Variants in ZNF705B observed in about 807,000 individuals in gnomAD.
The protein encoded by ZNF705B is zinc finger protein 705B.
In ZNF705B, 1 loss-of-function variant was observed where a neutral mutation model predicts 10.5. The ratio of observed to expected loss-of-function variants is 0.10; its 90% CI spans 0.03 to 0.45. The LOEUF (loss-of-function observed/expected upper bound fraction) is 0.45. Among genes scored for constraint, ZNF705B ranks in the 20% least tolerant of loss-of-function variants. ZNF705B has a pLI of 0.97. For missense variants in ZNF705B, 14 were observed against 84.0 expected (o/e 0.17, Z 3.26); for synonymous variants, 4 against 25.4 (o/e 0.16, Z 2.53).
chr8:7,932,951 G>A, intron 2 of ZNF705B, among the ~76,000 whole-genome samples: 1 of 110,980 alleles, frequency 9.0e-6, no homozygotes, highest in Non-Finnish European at 2.2e-5. Flanking sequence ...AGTGGCTGTT[G>A]TAGGCAGAAT....
At chr8:7,936,604 G>A (rs1402549017) in intron 2 of ZNF705B, among the ~76,000 whole-genome samples, 1 of 119,840 alleles carries the variant, frequency 8.3e-6, no homozygotes, top group African/African-American at 2.6e-5. Context: ...TTTATTCTAA[G>A]CAAATTAGCT....
chr8:7,931,677 C>A (rs1215262684), intron 2 of ZNF705B, among the ~76,000 whole-genome samples: 1 of 127,380 alleles, frequency 7.9e-6, no homozygotes, highest in African/African-American at 2.5e-5. Flanking sequence ...CCTGAGGATG[C>A]CTGCAGGTGT....
intron 2 of ZNF705B, among the ~76,000 whole-genome samples, chr8:7,942,782 C>T (rs1260033759): frequency 3.6e-5 from 1 of 28,078 alleles, no homozygotes; most frequent in African/African-American, 6.6e-5. Context: ...GGAGCGTTTC[C>T]GGCTTGCACA....
intron 2 of ZNF705B, among the ~76,000 whole-genome samples, chr8:7,935,537 A>G (rs1158812099): frequency 3.4e-5 from 4 of 119,188 alleles, no homozygotes; most frequent in Non-Finnish European, 8.0e-5. Flanking sequence ...GGAACACAAA[A>G]GCCAATTCTA....
At chr8:7,928,028 G>C (rs1278277036) in intron 1 of ZNF705B, among the ~76,000 whole-genome samples, 1 of 129,962 alleles carries the variant, frequency 7.7e-6, no homozygotes, top group Admixed American at 8.3e-5. Context: ...ATATAAACAG[G>C]GTGGCTTATA....
At chr8:7,931,478 C>T (rs554469423) in intron 2 of ZNF705B, among the ~76,000 whole-genome samples, 1 of 122,170 alleles carries the variant, frequency 8.2e-6, no homozygotes, top group African/African-American at 2.5e-5. Context: ...TGCACAGGCA[C>T]CACCAGGCTG....
intron 2 of ZNF705B, among the ~76,000 whole-genome samples, chr8:7,935,372 A>G (rs1318455256): frequency 1.4e-5 from 2 of 147,572 alleles, no homozygotes; most frequent in Non-Finnish European, 3.0e-5. Context: ...CTAAGATATC[A>G]CTGCTCTGGG....
At chr8:7,932,348 C>T (rs1819873153) in intron 2 of ZNF705B, among the ~76,000 whole-genome samples, 1 of 121,206 alleles carries the variant, frequency 8.3e-6, no homozygotes, top group East Asian at 2.3e-4. Context: ...TTCTAGTGCC[C>T]TCTTTCGTGC....
chr8:7,931,796 G>T (rs1395501085), intron 2 of ZNF705B, among the ~76,000 whole-genome samples: 1 of 131,080 alleles, frequency 7.6e-6, no homozygotes, highest in Non-Finnish European at 1.8e-5. Context: ...TGTTCTGGGG[G>T]CAGCCTCCCT....
intron 3 of ZNF705B, among the ~76,000 whole-genome samples, chr8:7,948,341 C>G (rs1820254936): frequency 7.8e-5 from 1 of 12,892 alleles, no homozygotes; most frequent in South Asian, 5.1e-3. Context: ...AAGTTGAGAA[C>G]AGGAGGCTTC....
At chr8:7,936,535 G>A (rs1215133552) in intron 2 of ZNF705B, among the ~76,000 whole-genome samples, 1 of 119,740 alleles carries the variant, frequency 8.4e-6, no homozygotes, top group African/African-American at 2.6e-5. Flanking sequence ...GGAATACTAT[G>A]CATCCATAAA....
intron 1 of ZNF705B, among the ~76,000 whole-genome samples, chr8:7,927,468 G>C (rs866165002): frequency 8.3e-6 from 1 of 120,740 alleles, no homozygotes; most frequent in African/African-American, 2.5e-5. Flanking sequence ...GTCTTTTTTT[G>C]AGAAATGTCT....
At chr8:7,930,008 A>C (rs1819797929) in intron 1 of ZNF705B, among the ~76,000 whole-genome samples, 1 of 101,058 alleles carries the variant, frequency 9.9e-6, no homozygotes, top group African/African-American at 2.8e-5. Flanking sequence ...CTTATTTTAG[A>C]TACAGTAGGT....
chr8:7,927,040 G>T (rs1165972766), intron 1 of ZNF705B, among the ~76,000 whole-genome samples: 4 of 119,718 alleles, frequency 3.3e-5, no homozygotes, highest in Admixed American at 9.6e-5. Context: ...CAAGACTCGT[G>T]GTACGTGATA....
In ZNF705B at chr8:7,928,544, C is replaced by G. The variant is rs1819759373; in HGVS notation, c.-221-1743C>G. 2.5e-5 allele frequency among the ~76,000 whole-genome samples: 3 copies of G among 117,996 alleles called. 1 individual carries two copies. The highest frequency in any genetic ancestry group is 4.8e-4 in the East Asian group (2 of 4,142). The allele number at this position is 117,996 out of a possible 152,430, so 77.4% of individuals were successfully genotyped here. ...GAGATGTAGAAACAATATAAAGCAA[C>G]ACAGATGTGGAGGGGAAAGAGAGAA... is the stretch of plus-strand genomic sequence containing the variant. On this transcript the variant is annotated intron_variant, in intron 1 of 6. Coordinates refer to ENST00000400120, the MANE Select transcript of ZNF705B (RefSeq NM_001193630.1).
At chr8:7,929,762 A>G (rs1819790404) in intron 1 of ZNF705B, among the ~76,000 whole-genome samples, 1 of 112,274 alleles carries the variant, frequency 8.9e-6, no homozygotes, top group Admixed American at 1.1e-4. Flanking sequence ...CTTGAGAAGA[A>G]GCATCACCAC....
intron 1 of ZNF705B, among the ~76,000 whole-genome samples, chr8:7,926,978 C>T (rs1252245212): frequency 0.011 from 1,298 of 116,660 alleles, 52 homozygotes; most frequent in African/African-American, 0.031. Flanking sequence ...TTGACTTGCT[C>T]AGAGAAAATA....
intron 1 of ZNF705B, among the ~76,000 whole-genome samples, chr8:7,926,773 A>G (rs1819700739): frequency 8.6e-6 from 1 of 116,578 alleles, no homozygotes; most frequent in African/African-American, 2.6e-5. Flanking sequence ...CCTTTTATGC[A>G]CGACCCTGTT....
In ZNF705B at chr8:7,928,121, G is replaced by A. The variant is rs188311102; in HGVS notation, c.-222+1724G>A. On this transcript the variant is annotated intron_variant, in intron 1 of 6. Coordinates refer to ENST00000400120, the MANE Select transcript of ZNF705B (RefSeq NM_001193630.1). ...CGGCATAGGTGTCTGGAGAGAGCTC[G>A]TTCCCTTCTCTGTGATGTTATGTGG... is the stretch of plus-strand genomic sequence containing the variant. Among the ~76,000 whole-genome samples, 247 of 117,226 alleles carry A rather than the reference G, an allele frequency of 2.1e-3. 10 individuals are homozygous for A. Among genetic ancestry groups the A allele is most frequent in the Middle Eastern group, 8.8e-3 (2 of 226 alleles). 76.9% of individuals were successfully genotyped at this position (117,226 alleles called of 152,430 possible). A position where few individuals can be genotyped will look rare whatever the true frequency, so the allele number is the denominator to read the frequency against.
Sources: allele counts gnomAD v4.1 joint callset (sites outside exome capture counted in the v4.1 genomes callset), GRCh38; gene constraint gnomAD v4.1.1; transcripts MANE v1.5; gene names NCBI Gene and HGNC (gene_info 2026-07-23, HGNC 2026-07-21).